The following FAM222A variants were observed in gnomAD, a reference collection of about 807,000 sequenced individuals.
FAM222A encodes the protein protein FAM222A.
Under a neutral mutation model 25.8 loss-of-function variants are expected in FAM222A, and 7 were observed. That is an observed-to-expected ratio of 0.27 (90% CI 0.15 to 0.51). FAM222A has a LOEUF of 0.51. Ranked by LOEUF, FAM222A falls within the 20% of genes least tolerant of loss-of-function variation. FAM222A has a pLI of 0.97. For missense variants in FAM222A, 573 were observed against 640.5 expected (o/e 0.89, Z 1.14); for synonymous variants, 294 against 298.8 (o/e 0.98, Z 0.17).
chr12:109,723,605 G>T (rs748335096), intron 1 of FAM222A, among the ~76,000 whole-genome samples: 30 of 152,198 alleles, frequency 2.0e-4, no homozygotes, highest in African/African-American at 2.4e-5. Context: ...GTCCCTACTG[G>T]GCAGGGAAGC....
intron 1 of FAM222A, among the ~76,000 whole-genome samples, chr12:109,741,778 G>A (rs1468488452): frequency 6.6e-6 from 1 of 152,210 alleles, no homozygotes; most frequent in African/African-American, 2.4e-5. Context: ...CACACAGGGT[G>A]TGCTGGGAGG....
At chr12:109,735,920 A>C (rs534856563) in intron 1 of FAM222A, 1 of 152,368 alleles carries the variant, frequency 6.6e-6, no homozygotes, top group East Asian at 1.9e-4. Context: ...CCTGGCTCCA[A>C]ACTTTGCACC....
chr12:109,738,263 T>C (rs1888139785), intron 1 of FAM222A, among the ~76,000 whole-genome samples: 1 of 152,188 alleles, frequency 6.6e-6, no homozygotes, highest in South Asian at 2.1e-4. Flanking sequence ...GTCTGGACTT[T>C]CTGAGGCTTT....
intron 1 of FAM222A, among the ~76,000 whole-genome samples, chr12:109,732,113 A>C (rs1018530556): frequency 6.6e-6 from 1 of 152,014 alleles, no homozygotes; most frequent in African/African-American, 2.4e-5. Flanking sequence ...GAGCCCCCCA[A>C]CTAAACCCTG....
At chr12:109,747,384 C>T (rs1023843382) in intron 2 of FAM222A, among the ~76,000 whole-genome samples, 11 of 152,192 alleles carry the variant, frequency 7.2e-5, no homozygotes, top group East Asian at 3.8e-4. Flanking sequence ...CATGAGCCAC[C>T]GTGCCCAGCC....
intron 1 of FAM222A, among the ~76,000 whole-genome samples, chr12:109,743,541 G>T (rs1888303449): frequency 1.3e-5 from 2 of 152,186 alleles, no homozygotes; most frequent in Admixed American, 6.5e-5. Context: ...AGGTTCAAGA[G>T]CCCCTTGTTC....
chr12:109,760,323 T>A (rs1318922632), intron 2 of FAM222A, among the ~76,000 whole-genome samples: 1 of 152,052 alleles, frequency 6.6e-6, no homozygotes, highest in South Asian at 2.1e-4. Context: ...GTGCTTCAGT[T>A]AGACCCTAAA....
intron 2 of FAM222A, among the ~76,000 whole-genome samples, chr12:109,754,365 C>T (rs910231082): frequency 6.6e-5 from 10 of 151,748 alleles, no homozygotes; most frequent in Admixed American, 5.9e-4. Flanking sequence ...GAGACCCTGT[C>T]TCTAAAAAAA....
chr12:109,731,077 A>G lies in FAM222A; in HGVS notation c.-46-13024A>G, dbSNP rs952463661. ...CCCAAGGGACTCGGTGGCTTACTCA[A>G]GACAGCCCTGCTAGTGAATAGCAGA... On this transcript the variant is annotated intron_variant, in intron 1 of 2. Transcript: ENST00000538780. Among the ~76,000 whole-genome samples, 14 of 152,140 alleles carry G rather than the reference A, an allele frequency of 9.2e-5. 1 individual carries two copies. The highest frequency in any genetic ancestry group is 3.4e-4 in the African/African-American group (14 of 41,438).
chr12:109,737,269 C>T (rs1888112930), intron 1 of FAM222A, among the ~76,000 whole-genome samples: 1 of 151,990 alleles, frequency 6.6e-6, no homozygotes, highest in Admixed American at 6.5e-5. Flanking sequence ...AGAGGGAAGC[C>T]CACCTCAGGA....
intron 2 of FAM222A, among the ~76,000 whole-genome samples, chr12:109,765,387 C>T (rs1053576500): frequency 2.6e-5 from 4 of 152,270 alleles, no homozygotes; most frequent in South Asian, 2.1e-4. Context: ...TTTCCTGCAG[C>T]GAAGAGGCCC....
chr12:109,745,339 C>A (rs533431609), intron 2 of FAM222A, among the ~76,000 whole-genome samples: 1 of 152,220 alleles, frequency 6.6e-6, no homozygotes, highest in Admixed American at 6.5e-5. Context: ...GCAGGGGTGG[C>A]CCATAATTTA....
At chr12:109,754,210 A>G (rs1888644894) in intron 2 of FAM222A, among the ~76,000 whole-genome samples, 1 of 152,224 alleles carries the variant, frequency 6.6e-6, no homozygotes, top group African/African-American at 2.4e-5. Flanking sequence ...TGTGGCCAGC[A>G]CAGCTAAGCT....
chr12:109,731,145 G>C (rs1347949967), intron 1 of FAM222A, among the ~76,000 whole-genome samples: 1 of 152,122 alleles, frequency 6.6e-6, no homozygotes, highest in Non-Finnish European at 1.5e-5. Context: ...CTTAGCTGAG[G>C]TGCTGTTTCG....
intron 1 of FAM222A, among the ~76,000 whole-genome samples, chr12:109,724,238 G>C (rs1887801912): frequency 6.6e-6 from 1 of 152,262 alleles, no homozygotes; most frequent in African/African-American, 2.4e-5. Flanking sequence ...CAAGTACCAG[G>C]TCCTGGCCTT....
At chr12:109,735,155 G>A (rs1202631909) in intron 1 of FAM222A, among the ~76,000 whole-genome samples, 1 of 152,116 alleles carries the variant, frequency 6.6e-6, no homozygotes, top group Non-Finnish European at 1.5e-5. Context: ...CCCCGACCTG[G>A]GCCACTGCGT....
intron 1 of FAM222A, among the ~76,000 whole-genome samples, chr12:109,741,576 C>T (rs919319568): frequency 2.6e-5 from 4 of 152,180 alleles, no homozygotes; most frequent in Non-Finnish European, 5.9e-5. Context: ...TTTTCAACTG[C>T]AAAGCATGTG....
chr12:109,765,801 G>A (rs1362558487), intron 2 of FAM222A, among the ~76,000 whole-genome samples: 6 of 152,228 alleles, frequency 3.9e-5, no homozygotes, highest in Admixed American at 2.6e-4. Context: ...TCCCACCTGT[G>A]CCTGTCTGAA....
chr12:109,737,362 C>G (rs1255121777), intron 1 of FAM222A, among the ~76,000 whole-genome samples: 2 of 152,056 alleles, frequency 1.3e-5, no homozygotes, highest in Non-Finnish European at 2.9e-5. Context: ...ATCTCTGGCT[C>G]TAGTGCCCAG....
Sources: gnomAD v4.1 joint callset for allele counts (sites outside exome capture counted in the v4.1 genomes callset) on GRCh38, gnomAD v4.1.1 for gene constraint, MANE v1.5 for transcripts, NCBI Gene and HGNC (gene_info 2026-07-23, HGNC 2026-07-21) for gene names.